The following MTTP variants were observed in gnomAD, a reference collection of about 807,000 sequenced individuals.
MTTP encodes the protein microsomal triglyceride transfer protein large subunit.
A neutral mutation model predicts 90.6 loss-of-function variants in MTTP; 49 were observed. The ratio of observed to expected loss-of-function variants is 0.54; its 90% CI spans 0.43 to 0.69. The LOEUF (loss-of-function observed/expected upper bound fraction) is 0.69, where lower values mean the gene tolerates loss of function less well. Among genes scored for constraint, MTTP ranks in the 30% least tolerant of loss-of-function variants. The pLI is 0.00. For missense variants in MTTP, 945 were observed against 1,067.5 expected (o/e 0.89, Z 1.60); for synonymous variants, 347 against 384.2 (o/e 0.90, Z 1.13).
chr4:99,566,187 G>GA (rs1394597161), intron 1 of MTTP, among the ~76,000 whole-genome samples: 6 of 151,664 alleles, frequency 4.0e-5, no homozygotes, highest in African/African-American at 1.5e-4. Flanking sequence ...TACTCCGGAG[G>GA]CTGAGGCAGG....
upstream of MTTP, among the ~76,000 whole-genome samples, chr4:99,571,914 G>A (rs567495042): frequency 1.0e-3 from 151 of 151,536 alleles, 1 homozygote; most frequent in African/African-American, 3.6e-3. Context: ...TTAATGTCAT[G>A]CTTCTTTCTA....
exon 1 of MTTP, chr4:99,564,144 T>A: frequency 6.5e-7 from 1 of 1,535,484 alleles, no homozygotes; most frequent in Non-Finnish European, 8.7e-7. Context: ...GGAGTTAGTG[T>A]TTTGGGAGTG....
At chr4:99,579,762 G>T (rs939540730) in intron 1 of MTTP, among the ~76,000 whole-genome samples, 4 of 152,112 alleles carry the variant, frequency 2.6e-5, no homozygotes, top group Non-Finnish European at 4.4e-5. Flanking sequence ...TGCTGGTTGG[G>T]TGCGGTGGCT....
chr4:99,612,120 T>C (rs1326436269), intron 14 of MTTP, among the ~76,000 whole-genome samples: 3 of 152,240 alleles, frequency 2.0e-5, no homozygotes, highest in Admixed American at 6.5e-5. Flanking sequence ...CATTTAAGTT[T>C]TTAAAATGAT....
chr4:99,583,354 C>T lies in MTTP; in HGVS notation c.250-20C>T. The T allele has an allele frequency of 6.2e-7, 1 of 1,611,572 alleles. No individual in the cohort carries two copies. The highest frequency in any genetic ancestry group is 8.5e-7 in the Non-Finnish European group (1 of 1,179,112). On this transcript the variant is annotated intron_variant, in intron 2 of 17. Coordinates refer to ENST00000265517, the MANE Select transcript of MTTP (RefSeq NM_001386140.1). Reference sequence around the variant, plus strand: ...AGATATAGGAAGTTTTTTTTAACAGCTTTCTTTCTGTTACTCCAGATGAAG... The same window carrying T: ...AGATATAGGAAGTTTTTTTTAACAGTTTTCTTTCTGTTACTCCAGATGAAG...
chr4:99,580,075 ACTTTCTCTGC>A (rs1222296922), intron 1 of MTTP, among the ~76,000 whole-genome samples: 1 of 149,666 alleles, frequency 6.7e-6, no homozygotes. Flanking sequence ...AGAAGAAGAA[ACTTTCTCTGC>A]CTTTCTCTGC....
intron 15 of MTTP, among the ~76,000 whole-genome samples, chr4:99,617,064 T>C (rs1491238): frequency 0.47 from 71,255 of 152,082 alleles, 19,584 homozygotes; most frequent in African/African-American, 0.75. Flanking sequence ...CATTTGGAAA[T>C]AATCATGTTT....
At chr4:99,597,498 G>C (rs753283871) in intron 8 of MTTP, among the ~76,000 whole-genome samples, 15 of 152,210 alleles carry the variant, frequency 9.9e-5, no homozygotes, top group East Asian at 1.9e-4. Context: ...ACATAGATAA[G>C]TGAAGGCAAG....
rs532030029 is a variant in MTTP, at chr4:99,590,489, A to T, written c.501+739A>T. On this transcript the variant is annotated intron_variant, in intron 4 of 17. Coordinates refer to ENST00000265517, the MANE Select transcript of MTTP (RefSeq NM_001386140.1). ...AACACTGTTCATTTTGCAAAAGAAG[A>T]AACTAGAGAAGTTAGGTGGATCTTC... Among the ~76,000 whole-genome samples the T allele has an allele frequency of 2.6e-5, 4 of 152,280 alleles. No homozygotes were observed. The South Asian group carries it at 8.3e-4, about 32-fold the overall frequency.
At chr4:99,581,791 C>A in intron 1 of MTTP, 114 bp from the exon 2 acceptor site, 2 of 1,021,334 alleles carry the variant, frequency 2.0e-6, no homozygotes. Flanking sequence ...ATGTTTCAAT[C>A]AGCGAATATT....
Position 99,606,785 on chromosome 4 carries a change from T to G in MTTP, c.1382T>G (p.Leu461Arg). ...GCTAAGAAGTTAATCCTGGGAGGAC[T>G]TGAAAAAGCAGAGAAAAAAGAGGAC... ...VEAKKLILGGLEKAEKKEDTR... is the reference protein window; with the variant it reads ...VEAKKLILGGREKAEKKEDTR... The change falls in exon 11 of 18, where the codon CTT becomes CGT. Residue 461 changes from leucine to arginine, a missense_variant. Physicochemically the swap from Leu to Arg is moderately radical, Grantham distance 102. Transcript: ENST00000265517. 1.9e-6 allele frequency: 3 copies of G among 1,613,932 alleles called. No homozygotes were observed. The highest frequency in any genetic ancestry group is 2.5e-6 in the Non-Finnish European group (3 of 1,179,976).
intron 15 of MTTP, among the ~76,000 whole-genome samples, chr4:99,615,128 G>A (rs138880031): frequency 4.6e-5 from 7 of 152,278 alleles, no homozygotes; most frequent in African/African-American, 1.7e-4. Flanking sequence ...GATTTGAATC[G>A]GGGTGTAAAA....
upstream of MTTP, chr4:99,574,690 A>G (rs1724910559): frequency 2.0e-6 from 2 of 1,009,954 alleles, no homozygotes; most frequent in South Asian, 1.4e-5. Flanking sequence ...AGAGTGAGAG[A>G]CTGAAAACTG....
chr4:99,614,800 G>T (rs1461223214), intron 15 of MTTP, among the ~76,000 whole-genome samples: 1 of 152,330 alleles, frequency 6.6e-6, no homozygotes, highest in South Asian at 2.1e-4. Context: ...GACCAAAACG[G>T]TGTTACATGG....
At chr4:99,589,255 C>T (rs1725353606) in intron 3 of MTTP, among the ~76,000 whole-genome samples, 1 of 150,570 alleles carries the variant, frequency 6.6e-6, no homozygotes. Flanking sequence ...TTTTTATTTG[C>T]TATTATTTTA....
chr4:99,592,147 A>G (rs1263617304), intron 6 of MTTP, among the ~76,000 whole-genome samples: 2 of 152,222 alleles, frequency 1.3e-5, no homozygotes, highest in South Asian at 2.1e-4. Context: ...GCAGAAAAAT[A>G]CAGTATAAAA....
upstream of MTTP, chr4:99,574,681 G>C (rs1216993502): frequency 1.1e-6 from 1 of 945,580 alleles, no homozygotes; most frequent in Non-Finnish European, 1.6e-6. Context: ...AAATTAAAAA[G>C]AGTGAGAGAC....
At chr4:99,578,482 GTCCACCTTAT>G (rs1472692004) in intron 1 of MTTP, among the ~76,000 whole-genome samples, 1 of 152,174 alleles carries the variant, frequency 6.6e-6, no homozygotes, top group Non-Finnish European at 1.5e-5. Flanking sequence ...CTCTAGCACA[GTCCACCTTAT>G]TTGAACCGTT....
At position 99,595,458 on chromosome 4, in the gene MTTP, A is replaced by G. The variant is rs984883911; in HGVS notation, c.909+575A>G. On this transcript the variant is annotated intron_variant, in intron 7 of 17. Transcript: ENST00000265517. ...AAGAAAATTTTCCTTTTATTGCATG[A>G]ATCAGTTATGATATACATTCAGAGA... is the stretch of plus-strand genomic sequence containing the variant. The G allele has an allele frequency of 4.2e-5, 7 of 164,802 alleles. No individual in the cohort carries two copies. In the South Asian group the frequency reaches 1.1e-3, roughly 27 times the overall value. 10.2% of individuals were successfully genotyped at this position (164,802 alleles called of 1,614,324 possible).
Sources: gnomAD v4.1 joint callset for allele counts (sites outside exome capture counted in the v4.1 genomes callset) on GRCh38, gnomAD v4.1.1 for gene constraint, MANE v1.5 for transcripts, NCBI Gene and HGNC (gene_info 2026-07-23, HGNC 2026-07-21) for gene names.